AMZ1: variants seen among roughly 807,000 people sequenced by gnomAD.
AMZ1 encodes the protein archaelysin family metallopeptidase 1.
AMZ1 carries 39 observed loss-of-function variants against 29.9 expected under a neutral mutation model. That is an observed-to-expected ratio of 1.30 (90% CI 1.01 to 1.70). The LOEUF (loss-of-function observed/expected upper bound fraction) is 1.70. AMZ1 is among the 40% of genes most tolerant of loss of function. AMZ1 has a pLI of 0.00. For synonymous variants in AMZ1, 458 were observed against 304.0 expected (o/e 1.51, Z -5.27); for missense variants, 1,041 against 680.6 (o/e 1.53, Z -5.89).
chr7:2,700,840 C>A, intron 2 of AMZ1, 85 bp downstream of exon 2: 1 of 1,508,948 alleles, frequency 6.6e-7, no homozygotes, highest in South Asian at 1.2e-5. Flanking sequence ...GCATAGCCCC[C>A]AGGCAGGACT....
At chr7:2,725,890 GCCTCTGTATACA>G (rs1789596980) in intron 4 of AMZ1, among the ~76,000 whole-genome samples, 1 of 152,160 alleles carries the variant, frequency 6.6e-6, no homozygotes, top group Admixed American at 6.5e-5. Context: ...CTCCCCTGGT[GCCTCTGTATACA>G]GGCGTCCAGC....
intron 4 of AMZ1, among the ~76,000 whole-genome samples, chr7:2,753,007 C>G (rs557941189): frequency 6.6e-6 from 1 of 152,236 alleles, no homozygotes; most frequent in Admixed American, 6.5e-5. Context: ...ATAATCACAG[C>G]CATCCTCCTT....
chr7:2,746,119 A>G (rs1583227360), intron 4 of AMZ1, among the ~76,000 whole-genome samples: 1 of 152,224 alleles, frequency 6.6e-6, no homozygotes, highest in Admixed American at 6.5e-5. Context: ...AACGAGACAG[A>G]AAGTTAACAA....
At chr7:2,723,464 C>T (rs903139630), downstream of AMZ1, among the ~76,000 whole-genome samples, 1 of 152,252 alleles carries the variant, frequency 6.6e-6, no homozygotes, top group African/African-American at 2.4e-5. Context: ...TTTGTACTGA[C>T]CTTCTTTGAG....
chr7:2,685,115 C>CAT (rs1787028152), upstream of AMZ1, among the ~76,000 whole-genome samples: 1 of 151,642 alleles, frequency 6.6e-6, no homozygotes, highest in Non-Finnish European at 1.5e-5. Context: ...GTGATCCGCC[C>CAT]GCCTCGGCCT....
upstream of AMZ1, among the ~76,000 whole-genome samples, chr7:2,761,528 G>A (rs1045831397): frequency 1.3e-5 from 2 of 152,182 alleles, no homozygotes; most frequent in Non-Finnish European, 2.9e-5. Flanking sequence ...AAAAGAGCTG[G>A]AACGGACAGC....
At chr7:2,697,455 A>G (rs909396965) in intron 1 of AMZ1, among the ~76,000 whole-genome samples, 1 of 150,854 alleles carries the variant, frequency 6.6e-6, no homozygotes, top group Non-Finnish European at 1.5e-5. Flanking sequence ...ACAGGGTCTC[A>G]CTCCCTCCTC....
rs1232509886 is a variant in AMZ1, at chr7:2,702,819, G to A, written c.402G>A (p.Ser134=). ...GCCTGCGCGTCAAGTGCCTGCCGTCGGTGGCAGCCGCGTCCATCCGCTGCT... is the reference window on the plus strand; with the variant it reads ...GCCTGCGCGTCAAGTGCCTGCCGTCAGTGGCAGCCGCGTCCATCCGCTGCT... ...FLGLRVKCLP[S]VAAASIRCSS... The change falls in exon 3 of 7, where the codon TCG becomes TCA. Residue 134 remains serine, a synonymous_variant. Transcript: ENST00000683327. 1 of 1,559,210 alleles carries A rather than the reference G, an allele frequency of 6.4e-7. No individual in the cohort carries two copies. The highest frequency in any genetic ancestry group is 1.2e-5 in the South Asian group (1 of 84,968).
intron 5 of AMZ1, 141 bp downstream of exon 5, chr7:2,709,385 C>T (rs1788599134): frequency 1.9e-6 from 2 of 1,080,584 alleles, no homozygotes; most frequent in East Asian, 5.4e-5. Context: ...AGCAAGGCTA[C>T]ACAGCTATGA....
chr7:2,734,839 C>T (rs928640082), intron 4 of AMZ1, among the ~76,000 whole-genome samples: 16 of 152,218 alleles, frequency 1.1e-4, no homozygotes, highest in African/African-American at 3.4e-4. Flanking sequence ...CTCGTGACCA[C>T]CGGCTCTCTA....
intron 4 of AMZ1, among the ~76,000 whole-genome samples, chr7:2,742,889 C>A (rs1347488236): frequency 6.6e-6 from 1 of 152,224 alleles, no homozygotes; most frequent in Non-Finnish European, 1.5e-5. Flanking sequence ...TGTGCCTAGT[C>A]ACCCTGCTAA....
chr7:2,730,924 T>C, intron 4 of AMZ1: 2 of 466,792 alleles, frequency 4.3e-6, no homozygotes, highest in East Asian at 3.4e-5. Flanking sequence ...TGATTAGGTG[T>C]TCCGTATTCA....
At chr7:2,732,152 G>A (rs1389691737) in intron 4 of AMZ1, among the ~76,000 whole-genome samples, 1 of 152,190 alleles carries the variant, frequency 6.6e-6, no homozygotes, top group Non-Finnish European at 1.5e-5. Context: ...TGAATGTGAT[G>A]TAAATTCAAT....
chr7:2,706,332 A>G (rs1478188878), intron 3 of AMZ1, among the ~76,000 whole-genome samples: 1 of 152,132 alleles, frequency 6.6e-6, no homozygotes, highest in African/African-American at 2.4e-5. Context: ...ACACCTGGCT[A>G]ATTATTTTGA....
rs775875592 is a variant in AMZ1, at chr7:2,708,576, C to T, written c.473-12C>T. On this transcript the variant is annotated splice_polypyrimidine_tract_variant and intron_variant, in intron 3 of 6. Coordinates refer to ENST00000683327, the MANE Select transcript of AMZ1 (RefSeq NM_001384743.1). ...TGCCTCCTGACCCCATCCTCTGGCCCTCTCCCCGCAGACGGCATCCTGTCC... is the reference window on the plus strand; with the variant it reads ...TGCCTCCTGACCCCATCCTCTGGCCTTCTCCCCGCAGACGGCATCCTGTCC... The T allele has an allele frequency of 1.2e-6, 2 of 1,611,494 alleles. No individual in the cohort carries two copies. Among genetic ancestry groups the T allele is most frequent in the South Asian group, 1.1e-5 (1 of 91,070 alleles).
chr7:2,722,395 C>T (rs1353497906), downstream of AMZ1, among the ~76,000 whole-genome samples: 3 of 152,148 alleles, frequency 2.0e-5, no homozygotes, highest in South Asian at 4.1e-4. Flanking sequence ...GCCTCAGCCT[C>T]CCAAGTAGCC....
In AMZ1 at chr7:2,707,503, G is replaced by A. The variant is rs150640061; in HGVS notation, c.473-1085G>A. On this transcript the variant is annotated intron_variant, in intron 3 of 6. Coordinates refer to ENST00000683327, the MANE Select transcript of AMZ1 (RefSeq NM_001384743.1). ...GGTTTCCCGGCTTTGATGCCATCGT[G>A]CCCAGGTTCAGCCCCTGGGCCTCTC... is the stretch of plus-strand genomic sequence containing the variant. 3.3e-5 allele frequency among the ~76,000 whole-genome samples: 5 copies of A among 151,958 alleles called. No individual in the cohort carries two copies. In the East Asian group the frequency reaches 7.7e-4, roughly 24 times the overall value.
intron 4 of AMZ1, among the ~76,000 whole-genome samples, chr7:2,755,857 C>T (rs953055497): frequency 6.6e-6 from 1 of 152,174 alleles, no homozygotes; most frequent in Non-Finnish European, 1.5e-5. Flanking sequence ...ATGTCATATT[C>T]ATGAAATGGA....
Position 2,709,783 on chromosome 7 carries a change from T to C in AMZ1, c.915T>C (p.His305=). Residue 305 remains histidine, a synonymous_variant, in exon 6 of 7, where the codon CAT becomes CAC. Coordinates refer to ENST00000683327, the MANE Select transcript of AMZ1 (RefSeq NM_001384743.1). The part of the protein sequence containing the change: ...LCPICLRKLQ[H]VLGFRLIERY... Reference sequence around the variant, plus strand: ...CCATCTGCCTGAGGAAGCTGCAGCATGTCCTGGGTTTCAGGCTCATCGAGA... The same window carrying C: ...CCATCTGCCTGAGGAAGCTGCAGCACGTCCTGGGTTTCAGGCTCATCGAGA... The C allele has an allele frequency of 6.2e-7, 1 of 1,612,078 alleles. No homozygotes were observed. Among genetic ancestry groups the C allele is most frequent in the South Asian group, 1.1e-5 (1 of 91,030 alleles).
Sources: gnomAD v4.1 joint callset for allele counts (sites outside exome capture counted in the v4.1 genomes callset) on GRCh38, gnomAD v4.1.1 for gene constraint, MANE v1.5 for transcripts, NCBI Gene and HGNC (gene_info 2026-07-23, HGNC 2026-07-21) for gene names.